The following CPNE8 variants were observed in gnomAD, a reference collection of about 807,000 sequenced individuals.
CPNE8 encodes the protein copine 8.
In CPNE8, 45 loss-of-function variants were observed where a neutral mutation model predicts 81.5. The ratio of observed to expected loss-of-function variants is 0.55; its 90% confidence interval spans 0.44 to 0.71. The LOEUF is 0.71. Ranked by LOEUF, CPNE8 falls within the 30% of genes least tolerant of loss-of-function variation. The probability of loss-of-function intolerance (pLI) is 0.00; values close to 1 mark genes in which losing one functional copy is unlikely to be tolerated. For synonymous variants in CPNE8, 252 were observed against 226.3 expected (o/e 1.11, Z -1.02); for missense variants, 594 against 672.1 (o/e 0.88, Z 1.28).
intron 3 of CPNE8, among the ~76,000 whole-genome samples, chr12:38,869,663 C>A (rs953945970): frequency 3.9e-5 from 6 of 152,130 alleles, no homozygotes; most frequent in African/African-American, 1.4e-4. Context: ...CCAGACCATT[C>A]TCTCTTTAAT....
At chr12:38,762,305 G>T in intron 8 of CPNE8, 89 bp from the exon 9 acceptor site, 1 of 618,366 alleles carries the variant, frequency 1.6e-6, no homozygotes, top group South Asian at 3.0e-5. Flanking sequence ...CTTACTTTTT[G>T]TTCAGAATAG....
At chr12:38,893,975 C>A (rs757543606) in intron 1 of CPNE8, among the ~76,000 whole-genome samples, 1 of 152,112 alleles carries the variant, frequency 6.6e-6, no homozygotes, top group Non-Finnish European at 1.5e-5. Flanking sequence ...TGGGCTTTGA[C>A]AATCACATTA....
At chr12:38,792,645 C>T (rs187194914) in intron 6 of CPNE8, among the ~76,000 whole-genome samples, 134 of 151,758 alleles carry the variant, frequency 8.8e-4, no homozygotes, top group Non-Finnish European at 1.7e-3. Flanking sequence ...AGAATCTGAT[C>T]AAACATTTAA....
chr12:38,861,338 A>C (rs1394505358), intron 3 of CPNE8, among the ~76,000 whole-genome samples: 1 of 152,174 alleles, frequency 6.6e-6, no homozygotes, highest in Non-Finnish European at 1.5e-5. Context: ...GTACACTTAA[A>C]ATTTTTTAAA....
intron 6 of CPNE8, among the ~76,000 whole-genome samples, chr12:38,806,972 G>A (rs1196641868): frequency 1.3e-5 from 2 of 150,338 alleles, no homozygotes; most frequent in African/African-American, 2.4e-5. Flanking sequence ...CAAACAGAGA[G>A]CCAAATCATG....
At chr12:38,818,671 T>A (rs1031973662) in intron 6 of CPNE8, among the ~76,000 whole-genome samples, 1 of 152,226 alleles carries the variant, frequency 6.6e-6, no homozygotes, top group Non-Finnish European at 1.5e-5. Flanking sequence ...CTGGGTCAAA[T>A]GGTATTCCTG....
chr12:38,710,571 A>C (rs1003389218), intron 13 of CPNE8, among the ~76,000 whole-genome samples: 1 of 152,204 alleles, frequency 6.6e-6, no homozygotes, highest in African/African-American at 2.4e-5. Flanking sequence ...GCACATAGCA[A>C]ATACTCTACA....
chr12:38,717,404 A>T (rs12424190), intron 13 of CPNE8, among the ~76,000 whole-genome samples: 46,783 of 126,314 alleles, frequency 0.37, 9,666 homozygotes, highest in Non-Finnish European at 0.48. Context: ...CCCATCGACC[A>T]ACAAGTAAAC....
At chr12:38,670,284 T>C (rs1279345807) in intron 19 of CPNE8, among the ~76,000 whole-genome samples, 1 of 152,142 alleles carries the variant, frequency 6.6e-6, no homozygotes, top group Non-Finnish European at 1.5e-5. Context: ...TTTTCTGACA[T>C]CCTAAAAATA....
At position 38,905,576 on chromosome 12, in the gene CPNE8, A is replaced by G. The variant is rs1944559024; in HGVS notation, c.-42T>C. ...TTGGACTTGTCCGGCGCCCACAACC[A>G]CAGCTCGGGCGGACTGAGGGCTAGC... is the stretch of plus-strand genomic sequence containing the variant. On this transcript the variant is annotated 5_prime_UTR_variant, in exon 1 of 20. Transcript: ENST00000331366. 3 of 1,543,194 alleles carry G rather than the reference A, an allele frequency of 1.9e-6. No homozygotes were observed. The highest frequency in any genetic ancestry group is 2.0e-5 in the Admixed American group (1 of 50,994).
At chr12:38,878,872 A>C (rs1293014165) in intron 1 of CPNE8, among the ~76,000 whole-genome samples, 2 of 152,192 alleles carry the variant, frequency 1.3e-5, no homozygotes, top group Non-Finnish European at 2.9e-5. Context: ...AAGAAGGCTG[A>C]ATTTTATTTA....
intron 6 of CPNE8, among the ~76,000 whole-genome samples, chr12:38,794,864 G>C (rs1294351011): frequency 6.6e-6 from 1 of 152,174 alleles, no homozygotes; most frequent in Non-Finnish European, 1.5e-5. Context: ...TAACCTGTTA[G>C]TCAGTGGACT....
chr12:38,811,997 G>C (rs891144737), intron 6 of CPNE8, among the ~76,000 whole-genome samples: 1 of 152,184 alleles, frequency 6.6e-6, no homozygotes, highest in African/African-American at 2.4e-5. Flanking sequence ...TAAGCACATA[G>C]TAATGATGTC....
chr12:38,898,808 C>A (rs1470381975), intron 1 of CPNE8, among the ~76,000 whole-genome samples: 1 of 152,182 alleles, frequency 6.6e-6, no homozygotes, highest in African/African-American at 2.4e-5. Context: ...AAGGGTCAGA[C>A]ACTCTCTCTT....
chr12:38,852,385 C>T (rs972269703), intron 3 of CPNE8, among the ~76,000 whole-genome samples: 7 of 142,564 alleles, frequency 4.9e-5, no homozygotes, highest in East Asian at 2.1e-4. Context: ...GCCAAGATCG[C>T]GCCACTGCAC....
At chr12:38,697,311 T>G (rs572922869) in intron 14 of CPNE8, among the ~76,000 whole-genome samples, 44 of 152,200 alleles carry the variant, frequency 2.9e-4, no homozygotes, top group Non-Finnish European at 5.4e-4. Context: ...AGCTTATAGA[T>G]CTCAACAACC....
intron 19 of CPNE8, among the ~76,000 whole-genome samples, chr12:38,668,000 T>C (rs1210828054): frequency 6.6e-6 from 1 of 152,198 alleles, no homozygotes; most frequent in Non-Finnish European, 1.5e-5. Context: ...GGTTTCACCA[T>C]GTTGGCCAGG....
chr12:38,773,847 T>G (rs1941863140), intron 7 of CPNE8, among the ~76,000 whole-genome samples: 1 of 152,092 alleles, frequency 6.6e-6, no homozygotes, highest in Non-Finnish European at 1.5e-5. Context: ...GAAATACTAT[T>G]TCAAGTTTAT....
chr12:38,739,158 T>C (rs1941029130), intron 10 of CPNE8, among the ~76,000 whole-genome samples: 1 of 152,166 alleles, frequency 6.6e-6, no homozygotes, highest in Non-Finnish European at 1.5e-5. Flanking sequence ...ACTTCTTAGA[T>C]TTTGTGATAG....
Sources: gnomAD v4.1 joint callset for allele counts (sites outside exome capture counted in the v4.1 genomes callset) on GRCh38, gnomAD v4.1.1 for gene constraint, MANE v1.5 for transcripts, NCBI Gene and HGNC (gene_info 2026-07-23, HGNC 2026-07-21) for gene names.